Variants in DLC1 observed in about 807,000 individuals in gnomAD.
DLC1 encodes the protein rho GTPase-activating protein 7.
DLC1 carries 54 observed loss-of-function variants against 140.3 expected under a neutral mutation model. The observed-to-expected ratio is 0.38, with a 90% CI of 0.31 to 0.48. The LOEUF (loss-of-function observed/expected upper bound fraction) is 0.48, where lower values mean the gene tolerates loss of function less well. Among genes scored for constraint, DLC1 ranks in the 20% least tolerant of loss-of-function variants. DLC1 has a pLI of 0.96. For synonymous variants in DLC1, 986 were observed against 728.1 expected (o/e 1.35, Z -5.70); for missense variants, 2,536 against 1,907.0 (o/e 1.33, Z -6.14).
chr8:13,294,805 CA>C (rs1412202767), intron 5 of DLC1, among the ~76,000 whole-genome samples: 3 of 152,094 alleles, frequency 2.0e-5, no homozygotes, highest in Admixed American at 2.0e-4. Flanking sequence ...CTGATTTGGC[CA>C]CAGTGTGACT....
intron 1 of DLC1, among the ~76,000 whole-genome samples, chr8:13,501,619 G>A (rs1801826181): frequency 6.6e-6 from 1 of 152,162 alleles, no homozygotes; most frequent in Non-Finnish European, 1.5e-5. Flanking sequence ...GCACATGCCT[G>A]AGAGGTAAAT....
In DLC1 at chr8:13,312,386, A is replaced by AATAATAATAAT. The variant is rs1554494786; in HGVS notation, c.1315-7085_1315-7084insATTATTATTAT. Among the ~76,000 whole-genome samples the AATAATAATAAT allele has an allele frequency of 4.1e-3, 334 of 81,678 alleles. 23 individuals carry two copies. The highest frequency in any genetic ancestry group is 0.014 in the African/African-American group (318 of 22,384). 53.6% of individuals were successfully genotyped at this position (81,678 alleles called of 152,430 possible). On this transcript the variant is annotated intron_variant, in intron 4 of 17. Coordinates refer to ENST00000276297, the MANE Select transcript of DLC1 (RefSeq NM_182643.3). The stretch of plus-strand genomic sequence containing the variant: ...AAAAAAAAAAAAAAAAAAAAAAAAA[A>AATAATAATAAT]AATAATTTCTTTAGCAAGCTAGATA...
intron 5 of DLC1, among the ~76,000 whole-genome samples, chr8:13,240,630 C>A (rs935554238): frequency 6.6e-6 from 1 of 151,792 alleles, no homozygotes; most frequent in Non-Finnish European, 1.5e-5. Flanking sequence ...ATGAGGCTTC[C>A]CTGTGTTGCC....
intron 1 of DLC1, among the ~76,000 whole-genome samples, chr8:13,552,021 ATATATATATGTGTGTGTG>A: frequency 7.3e-6 from 1 of 137,390 alleles, no homozygotes; most frequent in South Asian, 2.2e-4. Context: ...ATGTGTGTGT[ATATATATATGTGTGTGTG>A]TATATATATA....
At chr8:13,163,267 C>T (rs918568856) in intron 5 of DLC1, among the ~76,000 whole-genome samples, 4 of 152,124 alleles carry the variant, frequency 2.6e-5, no homozygotes, top group South Asian at 2.1e-4. Context: ...ACATTTTTAC[C>T]TGCACTCAGT....
At chr8:13,560,213 T>C (rs912562952) in intron 1 of DLC1, among the ~76,000 whole-genome samples, 7 of 152,190 alleles carry the variant, frequency 4.6e-5, no homozygotes, top group African/African-American at 1.2e-4. Flanking sequence ...GATCGAATAG[T>C]AGGAAATCAT....
intron 5 of DLC1, among the ~76,000 whole-genome samples, chr8:13,154,047 C>T (rs1470913381): frequency 6.6e-6 from 1 of 152,018 alleles, no homozygotes; most frequent in Non-Finnish European, 1.5e-5. Context: ...TAGCTAGATA[C>T]AGAGTGCTGA....
rs533707250 is a variant in DLC1 at position 13,390,759 on chromosome 8, G to T, written c.1314+2794C>A. Among the ~76,000 whole-genome samples, 249 of 152,152 alleles carry T rather than the reference G, an allele frequency of 1.6e-3. 2 individuals carry two copies. Among genetic ancestry groups the T allele is most frequent in the Non-Finnish European group, 2.9e-3 (199 of 67,984 alleles). ...TCCCAGCACTTTGGGAGGCCGAGGC[G>T]GGTGGATCATGAGGTTAGGAGATCA... On this transcript the variant is annotated intron_variant, in intron 4 of 17. Transcript: ENST00000276297.
intron 2 of DLC1, among the ~76,000 whole-genome samples, chr8:13,459,162 A>G (rs1799544022): frequency 6.6e-6 from 1 of 152,226 alleles, no homozygotes; most frequent in Admixed American, 6.5e-5. Context: ...ACTGCTAAAA[A>G]TTAGTTCTCT....
intron 14 of DLC1, 121 bp from the exon 15 acceptor site, chr8:13,090,591 C>CCCA: frequency 8.6e-7 from 1 of 1,161,606 alleles, no homozygotes; most frequent in Non-Finnish European, 1.2e-6. Flanking sequence ...CAGGCATCTT[C>CCCA]CCGCCGGAGG....
chr8:13,148,033 A>G (rs1469405309), intron 5 of DLC1, among the ~76,000 whole-genome samples: 1 of 152,084 alleles, frequency 6.6e-6, no homozygotes, highest in Non-Finnish European at 1.5e-5. Context: ...TTTGACAACA[A>G]ACCATTGTTG....
intron 1 of DLC1, among the ~76,000 whole-genome samples, chr8:13,502,585 A>G (rs941843770): frequency 6.6e-6 from 1 of 152,204 alleles, no homozygotes; most frequent in Non-Finnish European, 1.5e-5. Context: ...GATTATTGTC[A>G]ATCACATCTG....
chr8:13,204,402 C>T (rs1827553871), intron 5 of DLC1, among the ~76,000 whole-genome samples: 1 of 152,186 alleles, frequency 6.6e-6, no homozygotes, highest in African/African-American at 2.4e-5. Context: ...AGGTTAAGTA[C>T]ACTATTTCCC....
intron 5 of DLC1, among the ~76,000 whole-genome samples, chr8:13,237,465 A>G (rs1247364786): frequency 6.6e-6 from 1 of 151,540 alleles, no homozygotes; most frequent in Non-Finnish European, 1.5e-5. Context: ...TATGATGATT[A>G]TTTCTTTATT....
intron 1 of DLC1, among the ~76,000 whole-genome samples, chr8:13,505,585 G>C (rs779512745): frequency 6.6e-6 from 1 of 152,086 alleles, no homozygotes; most frequent in Non-Finnish European, 1.5e-5. Flanking sequence ...AATATGTCTG[G>C]TGGGGCCAAA....
intron 5 of DLC1, among the ~76,000 whole-genome samples, chr8:13,250,130 G>C (rs910909977): frequency 6.6e-6 from 1 of 152,190 alleles, no homozygotes; most frequent in East Asian, 1.9e-4. Flanking sequence ...CTGGAACATG[G>C]AATAGGATCA....
chr8:13,541,017 C>A (rs1048155527), intron 1 of DLC1, among the ~76,000 whole-genome samples: 2 of 152,224 alleles, frequency 1.3e-5, no homozygotes, highest in Admixed American at 1.3e-4. Flanking sequence ...ATTTAACCAG[C>A]TAATTCTATT....
At chr8:13,376,098 C>T (rs911976532) in intron 4 of DLC1, among the ~76,000 whole-genome samples, 1 of 152,082 alleles carries the variant, frequency 6.6e-6, no homozygotes, top group African/African-American at 2.4e-5. Context: ...ACATCGTCTT[C>T]GTGGCATCCG....
At chr8:13,089,912 C>A (rs1023330073) in intron 15 of DLC1, among the ~76,000 whole-genome samples, 3 of 152,160 alleles carry the variant, frequency 2.0e-5, no homozygotes, top group African/African-American at 7.2e-5. Flanking sequence ...GGATTCTGAC[C>A]AAATTATGGA....
Sources: allele counts gnomAD v4.1 joint callset (sites outside exome capture counted in the v4.1 genomes callset), GRCh38; gene constraint gnomAD v4.1.1; transcripts MANE v1.5; gene names NCBI Gene and HGNC (gene_info 2026-07-23, HGNC 2026-07-21).